Variants in HMCN2 observed in about 807,000 individuals in gnomAD.
HMCN2 encodes hemicentin 2.
HMCN2 carries 325 observed loss-of-function variants against 377.5 expected under a neutral mutation model. The ratio of observed to expected loss-of-function variants is 0.86; its 90% CI spans 0.79 to 0.94. The LOEUF (loss-of-function observed/expected upper bound fraction) is 0.94, where lower values mean the gene tolerates loss of function less well. Among genes scored for constraint, HMCN2 ranks in the 40% least tolerant of loss-of-function variants. The probability of loss-of-function intolerance (pLI) is 0.00; values close to 1 mark genes in which losing one functional copy is unlikely to be tolerated. For synonymous variants in HMCN2, 2,007 were observed against 2,046.8 expected (o/e 0.98, Z 0.53); for missense variants, 4,543 against 4,725.3 (o/e 0.96, Z 1.13).
At chr9:130,283,469 G>C (rs1232544597) in intron 1 of HMCN2, among the ~76,000 whole-genome samples, 3 of 149,500 alleles carry the variant, frequency 2.0e-5, no homozygotes, top group African/African-American at 7.4e-5. Context: ...TTGCTTATGG[G>C]GTAAATTTAC....
chr9:130,432,688 G>A (rs1844834583), intron 97 of HMCN2, 133 bp downstream of exon 97: 2 of 940,204 alleles, frequency 2.1e-6, no homozygotes, highest in South Asian at 1.6e-5. Flanking sequence ...AGCCCTGGGG[G>A]CAGGGAGAGG....
At chr9:130,380,325 C>G (rs866738325) in intron 54 of HMCN2, among the ~76,000 whole-genome samples, 1 of 152,052 alleles carries the variant, frequency 6.6e-6, no homozygotes, top group Admixed American at 6.5e-5. Flanking sequence ...TAGAAATGCC[C>G]GGCCCACCTG....
chr9:130,336,348 A>T (rs1292113771), intron 22 of HMCN2, among the ~76,000 whole-genome samples: 1 of 152,182 alleles, frequency 6.6e-6, no homozygotes, highest in East Asian at 1.9e-4. Context: ...AACTTTGTGT[A>T]TTATTTATGC....
intron 89 of HMCN2, 44 bp from the exon 90 acceptor site, chr9:130,425,643 T>G: frequency 1.0e-5 from 6 of 582,128 alleles, no homozygotes; most frequent in Admixed American, 2.8e-5. Context: ...CCTTTCTCCC[T>G]CTCCCCCACC....
At chr9:130,269,823 T>C (rs1316300582) in intron 1 of HMCN2, among the ~76,000 whole-genome samples, 9 of 148,064 alleles carry the variant, frequency 6.1e-5, no homozygotes, top group Admixed American at 6.1e-4. Context: ...TGTTTGTTTG[T>C]TTTTTGAGAT....
At chr9:130,285,830 T>A (rs1049014279) in intron 3 of HMCN2, among the ~76,000 whole-genome samples, 1 of 152,174 alleles carries the variant, frequency 6.6e-6, no homozygotes, top group African/African-American at 2.4e-5. Flanking sequence ...TGCCGCCACG[T>A]CTAGAACTTG....
At chr9:130,404,776 G>A (rs954450102) in intron 80 of HMCN2, 93 bp from the exon 81 acceptor site, 5 of 887,190 alleles carry the variant, frequency 5.6e-6, no homozygotes, top group Non-Finnish European at 7.4e-6. Flanking sequence ...GGCCAGGGAG[G>A]GCTGAAGGGC....
At chr9:130,346,811 G>A (rs944363162) in intron 25 of HMCN2, among the ~76,000 whole-genome samples, 192 of 152,184 alleles carry the variant, frequency 1.3e-3, no homozygotes, top group African/African-American at 4.3e-3. Flanking sequence ...AGTGGAGGAC[G>A]ACGGCTGAAA....
Position 130,428,504 on chromosome 9 carries a change from G to C in HMCN2, c.14197+15G>C, listed in dbSNP as rs1341368252. ...CGGCTGTGAAGGTGATGGGGGCACA[G>C]CATGCGGCCTGTCCATACTCCTGGA... On this transcript the variant is annotated intron_variant, in intron 93 of 97. Coordinates refer to ENST00000683500, the MANE Select transcript of HMCN2 (RefSeq NM_001291815.2). This position sits in a 1 kb window ranked among gnomAD's most constrained non-coding sequence, Gnocchi z 5.0. 7.2e-6 allele frequency: 11 copies of C among 1,537,666 alleles called. No homozygotes were observed. Among genetic ancestry groups the C allele is most frequent in the Non-Finnish European group, 8.7e-6 (10 of 1,146,796 alleles).
At chr9:130,431,261 C>T (rs1844734853) in intron 95 of HMCN2, 106 bp from the exon 96 acceptor site, 2 of 1,153,278 alleles carry the variant, frequency 1.7e-6, no homozygotes, top group South Asian at 1.5e-5. Context: ...AGGAGCAGGG[C>T]AGCTCCAGAG....
At position 130,433,720 on chromosome 9, in the gene HMCN2, T is replaced by C; in HGVS notation, c.*27T>C. The C allele has an allele frequency of 7.1e-7, 1 of 1,415,184 alleles. No individual in the cohort carries two copies. Among genetic ancestry groups the C allele is most frequent in the Non-Finnish European group, 9.2e-7 (1 of 1,082,414 alleles). 87.7% of individuals were successfully genotyped at this position (1,415,184 alleles called of 1,614,324 possible). On this transcript the variant is annotated 3_prime_UTR_variant, in exon 98 of 98. Coordinates refer to ENST00000683500, the MANE Select transcript of HMCN2 (RefSeq NM_001291815.2). ...CGGGAGAGGGCATTGGCGGCCGCCC[T>C]GGCGTGACCCCCGAGGAAGGGGTCG... is the stretch of plus-strand genomic sequence containing the variant.
chr9:130,282,381 G>T (rs1428006356), intron 1 of HMCN2, among the ~76,000 whole-genome samples: 3 of 151,476 alleles, frequency 2.0e-5, no homozygotes, highest in African/African-American at 7.4e-5. Flanking sequence ...GAGGCTTGGG[G>T]CAGTGAAGTG....
intron 15 of HMCN2, among the ~76,000 whole-genome samples, chr9:130,311,995 C>T (rs878928961): frequency 6.6e-6 from 1 of 152,154 alleles, no homozygotes; most frequent in African/African-American, 2.4e-5. Context: ...AGGGTGTTTG[C>T]CAGGTGCTGG....
At chr9:130,398,778 C>A (rs111542602) in intron 75 of HMCN2, 71 bp downstream of exon 75, 75 of 975,120 alleles carry the variant, frequency 7.7e-5, no homozygotes, top group Non-Finnish European at 1.0e-4. Flanking sequence ...CTCACGGGGG[C>A]ATGGGGCAGG....
At chr9:130,310,401 A>C (rs1837176955) in intron 15 of HMCN2, among the ~76,000 whole-genome samples, 1 of 152,150 alleles carries the variant, frequency 6.6e-6, no homozygotes, top group Non-Finnish European at 1.5e-5. Flanking sequence ...CAGTCATCTC[A>C]AGGTTTGCCT....
intron 84 of HMCN2, among the ~76,000 whole-genome samples, chr9:130,409,964 G>A (rs545538110): frequency 1.8e-4 from 27 of 152,304 alleles, no homozygotes; most frequent in Non-Finnish European, 3.5e-4. Flanking sequence ...GTGAGCCAGC[G>A]CGCCACCTGA....
chr9:130,426,044 CT>C, intron 90 of HMCN2, 120 bp downstream of exon 90: 1 of 773,932 alleles, frequency 1.3e-6, no homozygotes, highest in Non-Finnish European at 2.1e-6. Context: ...GGGCCAGAGA[CT>C]TCAGACTGAG....
chr9:130,382,720 G>T lies in HMCN2; in HGVS notation c.8587G>T (p.Glu2863Ter). ...ILGDTEELVE[E>*]VTVNASSTVS... The stretch of plus-strand genomic sequence containing the variant: ...GGGTGACACAGAGGAGCTGGTGGAA[G>T]AGGTGACAGTCAATGCCAGCAGCAC... The change falls in exon 56 of 98, where the codon GAG (glutamate) becomes TAG (stop). Residue 2863 changes from glutamate to a stop codon, truncating the protein, a stop_gained. Transcript: ENST00000683500. LOFTEE classifies it high-confidence loss of function. 1 of 985,674 alleles carries T rather than the reference G, an allele frequency of 1.0e-6. No individual in the cohort carries two copies. The highest frequency in any genetic ancestry group is 1.2e-6 in the Non-Finnish European group (1 of 829,918). The allele number at this position is 985,674 out of a possible 1,614,324, so 61.1% of individuals were successfully genotyped here.
intron 89 of HMCN2, 117 bp downstream of exon 89, chr9:130,425,247 C>T (rs1244123842): frequency 1.0e-5 from 12 of 1,200,492 alleles, no homozygotes; most frequent in Non-Finnish European, 1.4e-5. Context: ...CGCTGCAGGG[C>T]TGGGTCACAG....
Sources: allele counts gnomAD v4.1 joint callset (sites outside exome capture counted in the v4.1 genomes callset), GRCh38; gene constraint gnomAD v4.1.1; non-coding constraint Gnocchi (gnomAD v3.1); transcripts MANE v1.5; gene names NCBI Gene and HGNC (gene_info 2026-07-23, HGNC 2026-07-21).